Variants in HSD17B12 observed in about 807,000 individuals in gnomAD.
The protein encoded by HSD17B12 is hydroxysteroid 17-beta dehydrogenase 12.
HSD17B12 carries 32 observed loss-of-function variants against 39.3 expected under a neutral mutation model. That is an observed-to-expected ratio of 0.81 (90% CI 0.61 to 1.09). The LOEUF (loss-of-function observed/expected upper bound fraction) is 1.09. Ranked by LOEUF, HSD17B12 falls within the 50% of genes least tolerant of loss-of-function variation. The probability of loss-of-function intolerance (pLI) is 0.00; values close to 1 mark genes in which losing one functional copy is unlikely to be tolerated. For missense variants in HSD17B12, 342 were observed against 382.9 expected, an observed-to-expected ratio of 0.89 and a Z score of 0.89; for synonymous variants, 150 against 146.7, an observed-to-expected ratio of 1.02 and a Z score of -0.16.
intron 3 of HSD17B12, chr11:43,754,815 A>G: frequency 1.3e-6 from 1 of 747,082 alleles, no homozygotes. Context: ...TGTTAGGAAA[A>G]ATAGAAAAGA....
intron 9 of HSD17B12, among the ~76,000 whole-genome samples, chr11:43,842,162 G>A (rs1340180197): frequency 6.6e-6 from 1 of 152,202 alleles, no homozygotes; most frequent in East Asian, 1.9e-4. Flanking sequence ...GGGAGTGATG[G>A]AACCAGAAGG....
chr11:43,656,963 T>C, the HSD17B12 span, among the ~76,000 whole-genome samples: 2 of 152,112 alleles, frequency 1.3e-5, no homozygotes, highest in African/African-American at 4.8e-5. Flanking sequence ...CCTTGTTGAC[T>C]TTCTGTCTCA....
intron 1 of HSD17B12, among the ~76,000 whole-genome samples, chr11:43,690,381 TATATATATA>T (rs1209702040): frequency 0.04 from 556 of 13,800 alleles, 33 homozygotes; most frequent in Non-Finnish European, 0.058. Flanking sequence ...TATATATATA[TATATATATA>T]TATATATATA....
intron 3 of HSD17B12, among the ~76,000 whole-genome samples, chr11:43,795,346 C>T (rs1950907043): frequency 6.6e-6 from 1 of 152,130 alleles, no homozygotes; most frequent in Admixed American, 6.6e-5. Flanking sequence ...CCACCTTAGC[C>T]TTCTAGACCC....
At chr11:43,749,052 A>T (rs932698261) in intron 1 of HSD17B12, among the ~76,000 whole-genome samples, 1 of 152,212 alleles carries the variant, frequency 6.6e-6, no homozygotes. Flanking sequence ...AACCAGACAT[A>T]TGCTTCCTGA....
At chr11:43,849,675 T>C (rs1020626828) in intron 9 of HSD17B12, among the ~76,000 whole-genome samples, 1 of 152,254 alleles carries the variant, frequency 6.6e-6, no homozygotes, top group Non-Finnish European at 1.5e-5. Flanking sequence ...TCAGCTCTTT[T>C]ACCCAGGTAT....
At chr11:43,735,562 T>C (rs1950309047) in intron 1 of HSD17B12, among the ~76,000 whole-genome samples, 2 of 152,232 alleles carry the variant, frequency 1.3e-5, no homozygotes, top group African/African-American at 4.8e-5. Flanking sequence ...TAAATGTCTA[T>C]TCAAGTCCTT....
chr11:43,642,140 C>G, the HSD17B12 span, among the ~76,000 whole-genome samples: 2 of 151,474 alleles, frequency 1.3e-5, no homozygotes, highest in Non-Finnish European at 3.0e-5. Flanking sequence ...AAAAAATATA[C>G]TTTAAAAATT....
intron 8 of HSD17B12, 95 bp from the exon 9 acceptor site, chr11:43,839,904 T>C: frequency 1.0e-6 from 1 of 990,528 alleles, no homozygotes; most frequent in Admixed American, 1.9e-5. Flanking sequence ...AATTATAGCA[T>C]TAAATGATTA....
chr11:43,636,286 A>C, the HSD17B12 span, among the ~76,000 whole-genome samples: 9 of 152,196 alleles, frequency 5.9e-5, no homozygotes, highest in African/African-American at 2.4e-5. Context: ...GGAAGCCTTT[A>C]GTAGGCTTGC....
chr11:43,703,203 C>CT lies in HSD17B12; in HGVS notation c.160+22225dup, dbSNP rs35146653. 2.0e-4 allele frequency among the ~76,000 whole-genome samples: 30 copies of CT among 151,402 alleles called. 1 individual carries two copies. Among genetic ancestry groups the CT allele is most frequent in the South Asian group, 1.7e-3 (8 of 4,780 alleles). Reference sequence around the variant, plus strand: ...TAATAGTAGAATGAGAATTAAACTTCTTTTTTTTTGAGACGGAGTCTCGCT... The same window carrying CT: ...TAATAGTAGAATGAGAATTAAACTTCTTTTTTTTTTGAGACGGAGTCTCGCT... On this transcript the variant is annotated intron_variant, in intron 1 of 10. Coordinates refer to ENST00000278353, the MANE Select transcript of HSD17B12 (RefSeq NM_016142.3).
At chr11:43,613,038 A>G in the HSD17B12 span, among the ~76,000 whole-genome samples, 115 of 152,298 alleles carry the variant, frequency 7.6e-4, no homozygotes, top group African/African-American at 2.6e-3. Context: ...TTAGGCCCCT[A>G]TTAGCCCCAG....
the HSD17B12 span, among the ~76,000 whole-genome samples, chr11:43,649,932 A>T: frequency 6.6e-6 from 1 of 152,228 alleles, no homozygotes; most frequent in East Asian, 1.9e-4. Context: ...GTGTAGAGGC[A>T]AAAGAGCACC....
Position 43,680,875 on chromosome 11 carries a change from G to C in HSD17B12, c.48G>C (p.Ala16=). 1 of 1,614,118 alleles carries C rather than the reference G, an allele frequency of 6.2e-7. No homozygotes were observed. Among genetic ancestry groups the C allele is most frequent in the Non-Finnish European group, 8.5e-7 (1 of 1,180,006 alleles). Residue 16 remains alanine (A), a synonymous_variant, in exon 1 of 11, where the codon GCG becomes GCC. Transcript: ENST00000278353. The part of the protein sequence containing the change: ...PAAGFLYWVG[A]GTVAYLALRI... ...CCGGCTTCCTGTACTGGGTCGGCGC[G>C]GGCACCGTGGCCTACCTAGCCCTGC...
intron 3 of HSD17B12, among the ~76,000 whole-genome samples, chr11:43,757,658 A>AAC (rs1950521313): frequency 6.9e-6 from 1 of 144,004 alleles, no homozygotes; most frequent in Non-Finnish European, 1.5e-5. Context: ...AAAAAAAAAA[A>AAC]AAAAAAAAAC....
the HSD17B12 span, among the ~76,000 whole-genome samples, chr11:43,622,960 T>A: frequency 1.3e-5 from 2 of 151,834 alleles, no homozygotes; most frequent in African/African-American, 2.4e-5. Flanking sequence ...GATCAAAACT[T>A]TTTTTTTAAT....
chr11:43,661,396 A>C, the HSD17B12 span, among the ~76,000 whole-genome samples: 780 of 152,338 alleles, frequency 5.1e-3, 6 homozygotes, highest in African/African-American at 0.018. Flanking sequence ...CTACACATAA[A>C]ATTTGTAGAT....
chr11:43,576,887 G>A, the HSD17B12 span, among the ~76,000 whole-genome samples: 1 of 152,042 alleles, frequency 6.6e-6, no homozygotes, highest in Non-Finnish European at 1.5e-5. Context: ...TCTCTCTCGC[G>A]TTATGGGTCG....
At chr11:43,635,441 T>G in the HSD17B12 span, among the ~76,000 whole-genome samples, 2 of 144,288 alleles carry the variant, frequency 1.4e-5, no homozygotes. Flanking sequence ...CATTTTAAAT[T>G]ATAGAATTGA....
Sources: gnomAD v4.1 joint callset for allele counts (sites outside exome capture counted in the v4.1 genomes callset) on GRCh38, gnomAD v4.1.1 for gene constraint, MANE v1.5 for transcripts, NCBI Gene and HGNC (gene_info 2026-07-23, HGNC 2026-07-21) for gene names.